Variants in TFAP2B observed in about 807,000 individuals in gnomAD.
TFAP2B encodes transcription factor AP-2 beta, also known as transcription factor AP-2-beta.
A neutral mutation model predicts 44.3 loss-of-function variants in TFAP2B; 9 were observed. The observed-to-expected ratio is 0.20, with a 90% CI of 0.12 to 0.35. TFAP2B has a LOEUF of 0.35. TFAP2B is among the 10% of genes least tolerant of loss of function. The probability of loss-of-function intolerance (pLI) is 1.00; values close to 1 mark genes in which losing one functional copy is unlikely to be tolerated. For missense variants in TFAP2B, 509 were observed against 600.0 expected (o/e 0.85, Z 1.59); for synonymous variants, 270 against 263.8 (o/e 1.02, Z -0.23).
Position 50,843,528 on chromosome 6 carries a change from TA to T in TFAP2B, c.*146del, listed in dbSNP as rs969233204. ...TAGAATACACATACAATCAAAATTT[TA>T]AAAAAAAAAGCTAAATAACTTAAAA... On this transcript the variant is annotated 3_prime_UTR_variant, in exon 7 of 7. Coordinates refer to ENST00000393655, the MANE Select transcript of TFAP2B (RefSeq NM_003221.4). 100 of 800,182 alleles carry T rather than the reference TA, an allele frequency of 1.2e-4. 2 individuals carry two copies. The highest frequency in any genetic ancestry group is 1.2e-3 in the Middle Eastern group (3 of 2,514). 49.6% of individuals were successfully genotyped at this position (800,182 alleles called of 1,614,324 possible). A position where few individuals can be genotyped will look rare whatever the true frequency, so the allele number is the denominator to read the frequency against.
chr6:50,835,887 A>G (rs1762610346), intron 3 of TFAP2B, among the ~76,000 whole-genome samples, 174 bp from the exon 4 acceptor site: 1 of 152,212 alleles, frequency 6.6e-6, no homozygotes, highest in Non-Finnish European at 1.5e-5. Context: ...TGGCTTTGCC[A>G]TCTGTTTGTT....
Position 50,843,253 on chromosome 6 carries a change from C to T in TFAP2B, c.1244C>T (p.Thr415Met), listed in dbSNP as rs1390956098. The T allele has an allele frequency of 6.2e-6, 10 of 1,614,096 alleles. No individual in the cohort carries two copies. Among genetic ancestry groups the T allele is most frequent in the Admixed American group, 3.3e-5 (2 of 60,008 alleles). The change falls in exon 7 of 7, where the codon ACG (threonine) becomes ATG (methionine). Residue 415 changes from threonine to methionine, a missense_variant. Coordinates refer to ENST00000393655, the MANE Select transcript of TFAP2B (RefSeq NM_003221.4). ...FGAPAICAAL[T>M]ALQNYLTEAL... ...GCCCCGGCCATTTGCGCCGCGCTCA[C>T]GGCCCTGCAGAACTATCTCACCGAG...
intron 6 of TFAP2B, 142 bp downstream of exon 6, chr6:50,840,439 A>T: frequency 9.5e-7 from 1 of 1,054,432 alleles, no homozygotes; most frequent in Non-Finnish European, 1.4e-6. Flanking sequence ...CAAGCAAGGT[A>T]GGCAGAGTTG....
rs866841436 is a variant in TFAP2B, at chr6:50,823,825, C to T, written c.500C>T (p.Ser167Leu). 2 of 1,568,450 alleles carry T rather than the reference C, an allele frequency of 1.3e-6. No homozygotes were observed. Among genetic ancestry groups the T allele is most frequent in the Non-Finnish European group, 1.7e-6 (2 of 1,157,284 alleles). The change falls in exon 2 of 7, where the codon TCG becomes TTG. Residue 167 changes from serine to leucine, a missense_variant. This residue lies in a region of TFAP2B where 296 missense variants were observed against 308.2 expected (regional missense o/e 0.96). Coordinates refer to ENST00000393655, the MANE Select transcript of TFAP2B (RefSeq NM_003221.4). ...GLDAGMGDSL[S>L]LHGLGHPGME... ...GACGCGGGCATGGGTGACAGCCTCT[C>T]GCTGCACGGCCTCGGCCATCCCGGA... is the stretch of plus-strand genomic sequence containing the variant.
rs529718679 is a variant in TFAP2B, at chr6:50,823,646, G to T, written c.321G>T (p.Gly107=). The T allele has an allele frequency of 1.9e-6, 3 of 1,614,056 alleles. No homozygotes were observed. Among genetic ancestry groups the T allele is most frequent in the Non-Finnish European group, 2.5e-6 (3 of 1,179,972 alleles). ...PLHQPQQHPW[G]QRQRQEVGSE... ...ACCAGCCCCAGCAACATCCCTGGGG[G>T]CAACGGCAGCGGCAAGAAGTGGGTT... Residue 107 remains glycine, a synonymous_variant, in exon 2 of 7, where the codon GGG becomes GGT. Transcript: ENST00000393655.
intron 3 of TFAP2B, among the ~76,000 whole-genome samples, chr6:50,832,349 C>A (rs1762525605): frequency 6.6e-6 from 1 of 152,184 alleles, no homozygotes; most frequent in East Asian, 1.9e-4. Context: ...CAGTTTCCAG[C>A]CTTTTAGCCT....
In TFAP2B at chr6:50,846,594, C is replaced by T. The variant is rs1048129166; in HGVS notation, c.*3202C>T. On this transcript the variant is annotated 3_prime_UTR_variant, in exon 7 of 7. Transcript: ENST00000393655. The stretch of plus-strand genomic sequence containing the variant: ...TGCTGCCTTCACACTTTCCACTTCG[C>T]AAGTTCTTTTAAAGGTTCCAAAGAT... 1 of 152,062 alleles carries T rather than the reference C, an allele frequency of 6.6e-6. No homozygotes were observed. Among genetic ancestry groups the T allele is most frequent in the Non-Finnish European group, 1.5e-5 (1 of 68,074 alleles). 9.4% of individuals were successfully genotyped at this position (152,062 alleles called of 1,614,324 possible).
chr6:50,818,794 G>A, upstream of TFAP2B: 1 of 1,073,436 alleles, frequency 9.3e-7, no homozygotes, highest in Non-Finnish European at 1.4e-6. Flanking sequence ...CGATGGGAGA[G>A]GAGCGTCGGA....
chr6:50,836,164 C>A lies in TFAP2B; in HGVS notation c.705C>A (p.Gly235=). The A allele has an allele frequency of 6.2e-7, 1 of 1,614,084 alleles. No individual in the cohort carries two copies. The highest frequency in any genetic ancestry group is 8.5e-7 in the Non-Finnish European group (1 of 1,180,012). ...GCGAGGTGTTTTGCTCCGTCCCAGGCCGTTTGTCTCTGCTCAGTTCAACTT... is the reference window on the plus strand; with the variant it reads ...GCGAGGTGTTTTGCTCCGTCCCAGGACGTTTGTCTCTGCTCAGTTCAACTT... The part of the protein sequence containing the change: ...NTGEVFCSVP[G]RLSLLSSTSK... The change falls in exon 4 of 7, where the codon GGC becomes GGA. Residue 235 remains glycine (G), a synonymous_variant. Transcript: ENST00000393655.
At chr6:50,820,381 C>G (rs1003857563) in intron 1 of TFAP2B, among the ~76,000 whole-genome samples, 6 of 142,950 alleles carry the variant, frequency 4.2e-5, no homozygotes, top group Admixed American at 7.2e-5. Context: ...GCCTGGCGCC[C>G]ACACCTCCTG....
Position 50,823,643 on chromosome 6 carries a change from G to T in TFAP2B, c.318G>T (p.Trp106Cys). ...TGCACCAGCCCCAGCAACATCCCTG[G>T]GGGCAACGGCAGCGGCAAGAAGTGG... The part of the protein sequence containing the change: ...NPLHQPQQHP[W>C]GQRQRQEVGS... Residue 106 changes from tryptophan (W) to cysteine (C), a missense_variant, in exon 2 of 7, where the codon TGG becomes TGT. Around this residue, in one of 3 missense-constraint regions of TFAP2B, gnomAD observed 296 missense variants for 308.2 expected, o/e 0.96. Transcript: ENST00000393655. 2 of 1,614,094 alleles carry T rather than the reference G, an allele frequency of 1.2e-6. No homozygotes were observed. Among genetic ancestry groups the T allele is most frequent in the Admixed American group, 1.7e-5 (1 of 60,012 alleles).
At chr6:50,819,836 CGAGGCGGGCGAGGTGGGA>C (rs771363967) in intron 1 of TFAP2B, among the ~76,000 whole-genome samples, 20,457 of 151,644 alleles carry the variant, frequency 0.13, 1,507 homozygotes, top group African/African-American at 0.19. Flanking sequence ...ACGAGGCGGC[CGAGGCGGGCGAGGTGGGA>C]GAGGCGGGCG....
At chr6:50,836,552 C>A (rs966988014) in intron 4 of TFAP2B, among the ~76,000 whole-genome samples, 1 of 152,202 alleles carries the variant, frequency 6.6e-6, no homozygotes, top group African/African-American at 2.4e-5. Flanking sequence ...GCCCTGGGAA[C>A]CTTTCACTTT....
chr6:50,826,661 CAGAG>C (rs1770518049), intron 2 of TFAP2B, among the ~76,000 whole-genome samples: 1 of 151,688 alleles, frequency 6.6e-6, no homozygotes, highest in Admixed American at 6.6e-5. Flanking sequence ...GAGAGAGAGA[CAGAG>C]GGAGTGAAAG....
rs148262187 is a variant in TFAP2B at position 50,818,966 on chromosome 6, C to T, written c.75C>T (p.Ile25=). ...KLVENVKYED[I]YEDRHDGVPS... is the part of the protein sequence containing the mutation. ...TGGAGAATGTCAAGTACGAAGATAT[C>T]TATGAGGTGAGTCGACACCCCCAGA... Residue 25 remains isoleucine, a synonymous_variant, in exon 1 of 7, where the codon ATC becomes ATT. Transcript: ENST00000393655. 1.2e-6 allele frequency: 2 copies of T among 1,614,074 alleles called. No individual in the cohort carries two copies. Among genetic ancestry groups the T allele is most frequent in the Non-Finnish European group, 1.7e-6 (2 of 1,179,996 alleles).
At chr6:50,824,012 C>T (rs944752230) in intron 2 of TFAP2B, 147 bp downstream of exon 2, 2 of 907,722 alleles carry the variant, frequency 2.2e-6, no homozygotes, top group Non-Finnish European at 3.4e-6. Flanking sequence ...TCATATAGAA[C>T]TGTTTATGTG....
chr6:50,826,235 G>A (rs1770500209), intron 2 of TFAP2B, among the ~76,000 whole-genome samples: 1 of 152,124 alleles, frequency 6.6e-6, no homozygotes. Flanking sequence ...GAGTGCCTAG[G>A]CCTGGACCTT....
chr6:50,820,062 T>G (rs901250666), intron 1 of TFAP2B, among the ~76,000 whole-genome samples: 2 of 151,288 alleles, frequency 1.3e-5, no homozygotes, highest in Non-Finnish European at 2.9e-5. Flanking sequence ...GCGAAGCGGA[T>G]TTAGAAAAGG....
chr6:50,835,587 T>C (rs941796358), intron 3 of TFAP2B, among the ~76,000 whole-genome samples: 1 of 152,216 alleles, frequency 6.6e-6, no homozygotes, highest in Non-Finnish European at 1.5e-5. Context: ...GGGGTTTCCA[T>C]TGGAATTACC....
Sources: allele counts gnomAD v4.1 joint callset (sites outside exome capture counted in the v4.1 genomes callset), GRCh38; gene constraint gnomAD v4.1.1; regional missense constraint gnomAD v4.1.1; transcripts MANE v1.5; gene names NCBI Gene and HGNC (gene_info 2026-07-23, HGNC 2026-07-21).